CTNNA3: variants seen among roughly 807,000 people sequenced by gnomAD.
CTNNA3 encodes catenin alpha-3.
CTNNA3 carries 76 observed loss-of-function variants against 95.7 expected under a neutral mutation model. The ratio of observed to expected loss-of-function variants is 0.79; its 90% CI spans 0.66 to 0.96. The LOEUF (loss-of-function observed/expected upper bound fraction) is 0.96. Among genes scored for constraint, CTNNA3 ranks in the 40% least tolerant of loss-of-function variants. The probability of loss-of-function intolerance (pLI) is 0.00; values close to 1 mark genes in which losing one functional copy is unlikely to be tolerated. For synonymous variants in CTNNA3, 431 were observed against 374.4 expected (o/e 1.15, Z -1.74); for missense variants, 1,191 against 1,089.8 (o/e 1.09, Z -1.31).
intron 15 of CTNNA3, among the ~76,000 whole-genome samples, chr10:66,044,489 C>T (rs1589287409): frequency 6.6e-6 from 1 of 151,966 alleles, no homozygotes; most frequent in African/African-American, 2.4e-5. Flanking sequence ...CCTCTCCGTA[C>T]ATGACCCACA....
chr10:65,918,166 A>C lies in CTNNA3; in HGVS notation c.*2164T>G, dbSNP rs2077030244. The C allele has an allele frequency of 6.6e-6, 1 of 152,204 alleles. No individual in the cohort carries two copies. 9.4% of individuals were successfully genotyped at this position (152,204 alleles called of 1,614,324 possible). A position where few individuals can be genotyped will look rare whatever the true frequency, so the allele number is the denominator to read the frequency against. On this transcript the variant is annotated 3_prime_UTR_variant, in exon 18 of 18. Transcript: ENST00000433211. ...GAGATGGAGGTTATTTGGTAATTGT[A>C]TAATTTCAAGTTATTTCTGTTCTTT...
At chr10:67,623,227 A>G (rs965909758) in intron 2 of CTNNA3, among the ~76,000 whole-genome samples, 11 of 152,234 alleles carry the variant, frequency 7.2e-5, no homozygotes, top group Non-Finnish European at 1.5e-4. Flanking sequence ...ACAAAACTTG[A>G]ACTGTTTTCT....
chr10:67,699,980 A>T (rs1172379372), upstream of CTNNA3, among the ~76,000 whole-genome samples: 2 of 152,226 alleles, frequency 1.3e-5, no homozygotes, highest in African/African-American at 4.8e-5. Flanking sequence ...TATCCCGCAC[A>T]TGCTTTGGAG....
intron 5 of CTNNA3, among the ~76,000 whole-genome samples, chr10:67,239,208 A>G (rs1194183241): frequency 6.6e-6 from 1 of 152,100 alleles, no homozygotes; most frequent in Non-Finnish European, 1.5e-5. Context: ...TTACCCAGCT[A>G]TTTCATTCCT....
At chr10:66,163,475 T>C (rs1163371924) in intron 13 of CTNNA3, among the ~76,000 whole-genome samples, 1 of 152,126 alleles carries the variant, frequency 6.6e-6, no homozygotes, top group Non-Finnish European at 1.5e-5. Flanking sequence ...AAACAGACCT[T>C]CAGGTTCTCC....
chr10:66,952,556 G>T (rs942781), intron 7 of CTNNA3, among the ~76,000 whole-genome samples: 146,982 of 152,212 alleles, frequency 0.97, 71,180 homozygotes, highest in East Asian at 1. Flanking sequence ...TGTGTGTGGA[G>T]GCACGCACAC....
chr10:66,275,568 A>G (rs796945323), intron 13 of CTNNA3, among the ~76,000 whole-genome samples: 27 of 152,356 alleles, frequency 1.8e-4, no homozygotes, highest in African/African-American at 6.0e-4. Context: ...ATGTAAAGTA[A>G]AAATATAAAT....
intron 15 of CTNNA3, among the ~76,000 whole-genome samples, chr10:65,992,284 TCCTCTTC>T (rs2078561712): frequency 6.6e-6 from 1 of 152,110 alleles, no homozygotes; most frequent in South Asian, 2.1e-4. Context: ...GAGAATTCCC[TCCTCTTC>T]AGTTTTGTGG....
Position 66,532,457 on chromosome 10 carries a change from G to A in CTNNA3, c.1375-11684C>T, listed in dbSNP as rs147956979. ...AGCCTGGGTGACAGAGCGAGACTCCGTCTCAAAAAGAAAAAAAAAAAAAAG... is the reference window on the plus strand; with the variant it reads ...AGCCTGGGTGACAGAGCGAGACTCCATCTCAAAAAGAAAAAAAAAAAAAAG... On this transcript the variant is annotated intron_variant, in intron 10 of 17. Transcript: ENST00000433211. Among the ~76,000 whole-genome samples the A allele has an allele frequency of 2.5e-3, 301 of 122,688 alleles. 2 individuals are homozygous for A. The highest frequency in any genetic ancestry group is 8.5e-3 in the African/African-American group (285 of 33,524). 80.5% of individuals were successfully genotyped at this position (122,688 alleles called of 152,430 possible).
chr10:66,780,407 A>T (rs60982222), intron 7 of CTNNA3, among the ~76,000 whole-genome samples: 1 of 19,356 alleles, frequency 5.2e-5, no homozygotes, highest in African/African-American at 1.5e-4. Flanking sequence ...ACTCTATAAT[A>T]GAGTAACCTG....
chr10:66,915,921 G>A (rs1589420222), intron 7 of CTNNA3, among the ~76,000 whole-genome samples: 4 of 151,784 alleles, frequency 2.6e-5, no homozygotes, highest in African/African-American at 9.7e-5. Flanking sequence ...GATAATTGTT[G>A]TATTTTTAGT....
At chr10:67,074,807 AC>A (rs1393557423) in intron 7 of CTNNA3, among the ~76,000 whole-genome samples, 1 of 149,078 alleles carries the variant, frequency 6.7e-6, no homozygotes, top group Non-Finnish European at 1.5e-5. Flanking sequence ...TATGAACATA[AC>A]ATAATTTATT....
At chr10:67,410,788 C>A (rs565706320) in intron 5 of CTNNA3, among the ~76,000 whole-genome samples, 4 of 152,166 alleles carry the variant, frequency 2.6e-5, no homozygotes, top group African/African-American at 9.6e-5. Flanking sequence ...AGCCAAGACA[C>A]AAAATCAACC....
At chr10:67,223,443 A>T (rs975114137) in intron 5 of CTNNA3, among the ~76,000 whole-genome samples, 4 of 152,210 alleles carry the variant, frequency 2.6e-5, no homozygotes, top group African/African-American at 4.8e-5. Context: ...AAGTATAAAG[A>T]ATTCAGCTCC....
intron 7 of CTNNA3, among the ~76,000 whole-genome samples, chr10:67,044,212 C>CAACATATTTTT (rs1756392131): frequency 6.6e-6 from 1 of 152,070 alleles, no homozygotes; most frequent in African/African-American, 2.4e-5. Context: ...AAAAATATGG[C>CAACATATTTTT]TGCAACATAG....
chr10:67,678,328 A>G (rs953186945), intron 1 of CTNNA3, among the ~76,000 whole-genome samples: 17 of 152,182 alleles, frequency 1.1e-4, no homozygotes, highest in African/African-American at 4.1e-4. Flanking sequence ...ACAGGTCAAG[A>G]TAAAAAGAGA....
intron 11 of CTNNA3, among the ~76,000 whole-genome samples, chr10:66,496,916 G>A (rs989174998): frequency 6.6e-6 from 1 of 152,080 alleles, no homozygotes; most frequent in Non-Finnish European, 1.5e-5. Flanking sequence ...TGTTGAAAGG[G>A]TTTGTTTTCT....
At chr10:66,703,038 G>C (rs971028480) in intron 9 of CTNNA3, among the ~76,000 whole-genome samples, 1 of 152,032 alleles carries the variant, frequency 6.6e-6, no homozygotes, top group African/African-American at 2.4e-5. Flanking sequence ...CAAGTTCTTT[G>C]ATATTTACTT....
At chr10:66,478,160 T>C (rs12241625) in intron 11 of CTNNA3, among the ~76,000 whole-genome samples, 9,411 of 152,162 alleles carry the variant, frequency 0.062, 605 homozygotes, top group African/African-American at 0.16. Flanking sequence ...CAATTTGTTG[T>C]TTCTAGGTAT....
Sources: allele counts gnomAD v4.1 joint callset (sites outside exome capture counted in the v4.1 genomes callset), GRCh38; gene constraint gnomAD v4.1.1; transcripts MANE v1.5; gene names NCBI Gene and HGNC (gene_info 2026-07-23, HGNC 2026-07-21).